The following CLEC16A variants were observed in gnomAD, a reference collection of about 807,000 sequenced individuals.
CLEC16A encodes protein CLEC16A.
Under a neutral mutation model 109.5 loss-of-function variants are expected in CLEC16A, and 51 were observed. That is an observed-to-expected ratio of 0.47 (90% CI 0.37 to 0.59). The LOEUF is 0.59. Among genes scored for constraint, CLEC16A ranks in the 20% least tolerant of loss-of-function variants. CLEC16A has a pLI of 0.00. For missense variants in CLEC16A, 1,339 were observed against 1,394.0 expected, an observed-to-expected ratio of 0.96 and a Z score of 0.63; for synonymous variants, 673 against 564.2, an observed-to-expected ratio of 1.19 and a Z score of -2.73.
rs760730722 is a variant in CLEC16A at position 11,172,765 on chromosome 16, T to C, written c.2807-5570T>C. 2.8e-4 allele frequency among the ~76,000 whole-genome samples: 42 copies of C among 152,084 alleles called. 1 individual carries two copies. Among genetic ancestry groups the C allele is most frequent in the Non-Finnish European group, 5.4e-4 (37 of 68,002 alleles). On this transcript the variant is annotated intron_variant, in intron 23 of 23. Coordinates refer to ENST00000409790, the MANE Select transcript of CLEC16A (RefSeq NM_015226.3). ...TTAGCCAGGCGTGGTGGTAGGCGTC[T>C]GTAATCCCAGCTACTCGGGAGGCTG...
intron 17 of CLEC16A, chr16:11,047,654 G>C (rs2047705545): frequency 5.1e-6 from 1 of 196,650 alleles, no homozygotes; most frequent in African/African-American, 2.3e-5. Context: ...ATGCTGTACA[G>C]ATTATATCTC....
In CLEC16A at chr16:10,961,063, G is replaced by A. The variant is rs1047037935; in HGVS notation, c.210-1392G>A. ...TGCTAGACCTACCCTGTCAATCCCC[G>A]GGGCAAGATCTAGGTACAGGCATTT... is the stretch of plus-strand genomic sequence containing the variant. On this transcript the variant is annotated intron_variant, in intron 2 of 23. Transcript: ENST00000409790. The surrounding 1 kb of genome is among the most constrained non-coding windows in gnomAD (Gnocchi z 4.3). Among the ~76,000 whole-genome samples the A allele has an allele frequency of 2.0e-5, 3 of 152,070 alleles. No individual in the cohort carries two copies. The highest frequency in any genetic ancestry group is 2.9e-5 in the Non-Finnish European group (2 of 68,016).
chr16:11,024,388 T>C (rs1023874483), intron 12 of CLEC16A: 1 of 160,422 alleles, frequency 6.2e-6, no homozygotes. Flanking sequence ...CTAGGGCTCA[T>C]GTTCTTGAAC....
chr16:10,974,217 AG>A (rs1308278496), intron 7 of CLEC16A, among the ~76,000 whole-genome samples: 1 of 151,768 alleles, frequency 6.6e-6, no homozygotes, highest in Admixed American at 6.6e-5. Flanking sequence ...TTTTTTTTGC[AG>A]GGGGGATAAC....
chr16:10,982,558 G>A (rs1475473431), intron 9 of CLEC16A, among the ~76,000 whole-genome samples: 3 of 152,174 alleles, frequency 2.0e-5, no homozygotes, highest in Non-Finnish European at 2.9e-5. Context: ...GAGTGTGCTG[G>A]TTTGGCTGTT....
intron 19 of CLEC16A, among the ~76,000 whole-genome samples, chr16:11,096,996 TA>T (rs551964475): frequency 1.1e-3 from 167 of 152,300 alleles, no homozygotes; most frequent in Non-Finnish European, 1.9e-3. Context: ...ACAGCATTTT[TA>T]AAAAACTGAC....
chr16:10,985,218 AAAAT>A (rs1244996034), intron 10 of CLEC16A, among the ~76,000 whole-genome samples: 1 of 124,204 alleles, frequency 8.1e-6, no homozygotes, highest in Non-Finnish European at 1.6e-5. Flanking sequence ...AAAAAAAAAA[AAAAT>A]ATATATATAT....
intron 16 of CLEC16A, among the ~76,000 whole-genome samples, chr16:11,046,008 T>G (rs1202805512): frequency 2.0e-5 from 3 of 152,056 alleles, no homozygotes; most frequent in African/African-American, 7.2e-5. Flanking sequence ...GAAATCCCAC[T>G]TTCCCCTTAG....
chr16:11,114,709 G>A (rs896889687), intron 19 of CLEC16A, among the ~76,000 whole-genome samples: 1 of 152,138 alleles, frequency 6.6e-6, no homozygotes, highest in Non-Finnish European at 1.5e-5. Flanking sequence ...CACAGCCAGG[G>A]TGTGGAGCAG....
chr16:10,981,594 C>A (rs2043323574), intron 9 of CLEC16A, among the ~76,000 whole-genome samples: 1 of 152,148 alleles, frequency 6.6e-6, no homozygotes, highest in South Asian at 2.1e-4. Flanking sequence ...CACTCTATAC[C>A]CTGAGCACCC....
At chr16:11,004,958 A>G (rs989120858) in intron 11 of CLEC16A, among the ~76,000 whole-genome samples, 5 of 152,144 alleles carry the variant, frequency 3.3e-5, no homozygotes, top group African/African-American at 1.2e-4. Flanking sequence ...CATTCTGATT[A>G]TTTTGTTGTT....
rs1160537416 is a variant in CLEC16A at position 11,174,119 on chromosome 16, G to T, written c.2807-4216G>T. The stretch of plus-strand genomic sequence containing the variant: ...CGCCTCTGCCGTCCCATTGTTAAAG[G>T]CTTTCTATGATCTGTCGCTGTGTTT... On this transcript the variant is annotated intron_variant, in intron 23 of 23. Coordinates refer to ENST00000409790, the MANE Select transcript of CLEC16A (RefSeq NM_015226.3). This position sits in a 1 kb window ranked among gnomAD's most constrained non-coding sequence, Gnocchi z 4.7. 1 of 462,518 alleles carries T rather than the reference G, an allele frequency of 2.2e-6. No individual in the cohort carries two copies. Among genetic ancestry groups the T allele is most frequent in the African/African-American group, 2.0e-5 (1 of 50,072 alleles). The allele number at this position is 462,518 out of a possible 1,614,324, so 28.7% of individuals were successfully genotyped here.
rs777910123 is a variant in CLEC16A at position 11,081,725 on chromosome 16, A to G, written c.2116+20703A>G. Among the ~76,000 whole-genome samples the G allele has an allele frequency of 4.6e-5, 7 of 152,192 alleles. 1 individual carries two copies. In the East Asian group the frequency reaches 1.3e-3, roughly 29 times the overall value. ...AGGAGGAATTTTAACCAAAAGCCCA[A>G]GTTGGCTTTTGAAAGAGGCCTTTCT... On this transcript the variant is annotated intron_variant, in intron 19 of 23. Transcript: ENST00000409790.
chr16:10,989,094 TA>T (rs1193266717), intron 10 of CLEC16A, among the ~76,000 whole-genome samples: 3 of 152,222 alleles, frequency 2.0e-5, no homozygotes, highest in Non-Finnish European at 4.4e-5. Context: ...ACACCAATGT[TA>T]GCCATTGCCA....
chr16:11,089,042 C>T (rs1439788310), intron 19 of CLEC16A, among the ~76,000 whole-genome samples: 2 of 152,180 alleles, frequency 1.3e-5, no homozygotes, highest in African/African-American at 4.8e-5. Context: ...AGCCTCCGTT[C>T]AGGGGAGGGG....
chr16:11,136,669 G>C (rs1396060146), intron 22 of CLEC16A, among the ~76,000 whole-genome samples: 2 of 152,204 alleles, frequency 1.3e-5, no homozygotes, highest in African/African-American at 4.8e-5. Flanking sequence ...AAAACACCGG[G>C]GTGTAATAGA....
At position 11,007,728 on chromosome 16, in the gene CLEC16A, G is replaced by T. The variant is rs1025202048; in HGVS notation, c.1303+4423G>T. Among the ~76,000 whole-genome samples the T allele has an allele frequency of 3.3e-5, 5 of 152,278 alleles. No individual in the cohort carries two copies. The East Asian group carries it at 9.6e-4, about 29-fold the overall frequency. On this transcript the variant is annotated intron_variant, in intron 11 of 23. Transcript: ENST00000409790. ...CACCAAGCACGTTTCTGTGGGACCC[G>T]TTTCTCTGTTAATTTCTACAGCTAG...
intron 19 of CLEC16A, among the ~76,000 whole-genome samples, chr16:11,096,269 C>T (rs888235134): frequency 3.3e-5 from 5 of 152,018 alleles, no homozygotes; most frequent in Non-Finnish European, 5.9e-5. Flanking sequence ...CATTTGAGTC[C>T]GGGAAGTCAA....
chr16:11,061,732 A>T (rs886574464), intron 19 of CLEC16A, among the ~76,000 whole-genome samples: 1 of 152,264 alleles, frequency 6.6e-6, no homozygotes, highest in South Asian at 2.1e-4. Flanking sequence ...TATAAGAGAC[A>T]GAAAACTCAC....
Sources: gnomAD v4.1 joint callset for allele counts (sites outside exome capture counted in the v4.1 genomes callset) on GRCh38, gnomAD v4.1.1 for gene constraint, Gnocchi (gnomAD v3.1) non-coding constraint, MANE v1.5 for transcripts, NCBI Gene and HGNC (gene_info 2026-07-23, HGNC 2026-07-21) for gene names.